Variants in OSBPL8 observed in about 807,000 individuals in gnomAD.
OSBPL8 encodes the protein oxysterol-binding protein-related protein 8.
In OSBPL8, 59 loss-of-function variants were observed where a neutral mutation model predicts 125.5. That is an observed-to-expected ratio of 0.47 (90% CI 0.38 to 0.58). The LOEUF (loss-of-function observed/expected upper bound fraction) is 0.58. Ranked by LOEUF, OSBPL8 falls within the 20% of genes least tolerant of loss-of-function variation. OSBPL8 has a pLI of 0.00. For synonymous variants in OSBPL8, 330 were observed against 338.9 expected, an observed-to-expected ratio of 0.97 and a Z score of 0.29; for missense variants, 758 against 1,047.8, an observed-to-expected ratio of 0.72 and a Z score of 3.82.
chr12:76,361,012 G>A (rs979357726), intron 21 of OSBPL8, among the ~76,000 whole-genome samples: 3 of 152,250 alleles, frequency 2.0e-5, no homozygotes, highest in African/African-American at 7.2e-5. Flanking sequence ...ATTAACATTC[G>A]GCTCCTTGTT....
At chr12:76,372,474 C>T (rs999993483) in intron 18 of OSBPL8, among the ~76,000 whole-genome samples, 2 of 152,084 alleles carry the variant, frequency 1.3e-5, no homozygotes, top group South Asian at 2.1e-4. Context: ...GTGTGAGCCA[C>T]CCCACCCAGA....
At chr12:76,424,142 A>G (rs991019485) in intron 4 of OSBPL8, among the ~76,000 whole-genome samples, 4 of 152,124 alleles carry the variant, frequency 2.6e-5, no homozygotes, top group Admixed American at 2.6e-4. Context: ...CTGGAACTAC[A>G]GGCACCTGCC....
At chr12:76,498,136 G>C (rs1879470969) in intron 1 of OSBPL8, among the ~76,000 whole-genome samples, 1 of 152,184 alleles carries the variant, frequency 6.6e-6, no homozygotes, top group Non-Finnish European at 1.5e-5. Context: ...TGGGCACAGT[G>C]GCTCACACCT....
At chr12:76,451,932 A>G (rs951404468) in intron 3 of OSBPL8, among the ~76,000 whole-genome samples, 2 of 152,174 alleles carry the variant, frequency 1.3e-5, no homozygotes, top group Admixed American at 6.5e-5. Context: ...CATCCTGGCC[A>G]ACGTGGCGAA....
At position 76,397,917 on chromosome 12, in the gene OSBPL8, T is replaced by C. The variant is rs1219236478; in HGVS notation, c.469-20A>G. The C allele has an allele frequency of 6.2e-7, 1 of 1,605,104 alleles. No homozygotes were observed. Among genetic ancestry groups the C allele is most frequent in the Non-Finnish European group, 8.5e-7 (1 of 1,174,624 alleles). On this transcript the variant is annotated intron_variant, in intron 7 of 23. Transcript: ENST00000261183. ...ACGAATCTACAGAAAGATAAATTTATTTTAAAAAGGAAGATCTGTTCTCCA... is the reference window on the plus strand; with the variant it reads ...ACGAATCTACAGAAAGATAAATTTACTTTAAAAAGGAAGATCTGTTCTCCA...
At chr12:76,518,569 A>G (rs1030417579) in intron 1 of OSBPL8, among the ~76,000 whole-genome samples, 1 of 152,160 alleles carries the variant, frequency 6.6e-6, no homozygotes, top group Admixed American at 6.5e-5. Flanking sequence ...TTTCCCCTCC[A>G]CACTGCCCTA....
At chr12:76,517,589 T>C (rs1371574637) in intron 1 of OSBPL8, among the ~76,000 whole-genome samples, 1 of 152,180 alleles carries the variant, frequency 6.6e-6, no homozygotes, top group Admixed American at 6.5e-5. Flanking sequence ...AAAATCAAAA[T>C]TCCGTTATGT....
intron 1 of OSBPL8, among the ~76,000 whole-genome samples, chr12:76,554,812 AG>A (rs1251166598): frequency 1.3e-5 from 2 of 152,246 alleles, no homozygotes; most frequent in Non-Finnish European, 2.9e-5. Context: ...TATGGAAATT[AG>A]TAGGTAACTG....
At chr12:76,538,978 C>T (rs556965322) in intron 1 of OSBPL8, among the ~76,000 whole-genome samples, 45 of 136,740 alleles carry the variant, frequency 3.3e-4, no homozygotes, top group African/African-American at 9.3e-4. Context: ...ATTAGAACTT[C>T]GAGGATGAAG....
At chr12:76,369,160 A>G in intron 21 of OSBPL8, 54 bp downstream of exon 21, 1 of 1,573,476 alleles carries the variant, frequency 6.4e-7, no homozygotes, top group Non-Finnish European at 8.6e-7. Flanking sequence ...TGCTATAGAT[A>G]CTAAAGATTT....
intron 21 of OSBPL8, among the ~76,000 whole-genome samples, 177 bp downstream of exon 21, chr12:76,369,037 T>C (rs1347093517): frequency 2.0e-5 from 3 of 152,164 alleles, no homozygotes; most frequent in African/African-American, 7.2e-5. Flanking sequence ...TTCTGGCAAA[T>C]TGAGTTGACA....
chr12:76,558,521 G>A (rs1319302792), intron 1 of OSBPL8, among the ~76,000 whole-genome samples: 1 of 152,192 alleles, frequency 6.6e-6, no homozygotes, highest in Non-Finnish European at 1.5e-5. Flanking sequence ...TCTAGCAGCA[G>A]AAAGGCAAAA....
chr12:76,530,615 A>G (rs1950309790), intron 1 of OSBPL8, among the ~76,000 whole-genome samples: 1 of 152,084 alleles, frequency 6.6e-6, no homozygotes, highest in Admixed American at 6.5e-5. Context: ...TAAGTATAGT[A>G]TATTATATCC....
chr12:76,550,274 T>C (rs1950898871), intron 1 of OSBPL8, among the ~76,000 whole-genome samples: 1 of 152,162 alleles, frequency 6.6e-6, no homozygotes, highest in South Asian at 2.1e-4. Context: ...ATAAAATAAA[T>C]AAAGTCTACT....
intron 4 of OSBPL8, among the ~76,000 whole-genome samples, chr12:76,448,402 C>T (rs567039005): frequency 5.9e-5 from 9 of 152,082 alleles, no homozygotes; most frequent in Non-Finnish European, 1.0e-4. Flanking sequence ...TGCACAGATA[C>T]ATGCATCAGA....
intron 4 of OSBPL8, among the ~76,000 whole-genome samples, chr12:76,426,939 G>A (rs1157687080): frequency 6.6e-6 from 1 of 151,918 alleles, no homozygotes; most frequent in Non-Finnish European, 1.5e-5. Flanking sequence ...TCTACTCTTT[G>A]AGTAATCCTA....
intron 18 of OSBPL8, among the ~76,000 whole-genome samples, chr12:76,372,783 T>G (rs1008426403): frequency 6.6e-6 from 1 of 152,326 alleles, no homozygotes; most frequent in East Asian, 1.9e-4. Context: ...TAAAAGCCAT[T>G]GCTCTCACAC....
At chr12:76,373,566 T>C (rs1338832546) in intron 17 of OSBPL8, 133 bp from the exon 18 acceptor site, 6 of 485,880 alleles carry the variant, frequency 1.2e-5, no homozygotes, top group African/African-American at 1.0e-4. Flanking sequence ...AGTAAAAAAA[T>C]ACTGACTCAA....
chr12:76,491,348 A>C (rs1392842027), intron 1 of OSBPL8, among the ~76,000 whole-genome samples: 1 of 152,208 alleles, frequency 6.6e-6, no homozygotes, highest in Non-Finnish European at 1.5e-5. Flanking sequence ...TATTCCTTCA[A>C]ACAGATAACA....
Sources: allele counts gnomAD v4.1 joint callset (sites outside exome capture counted in the v4.1 genomes callset), GRCh38; gene constraint gnomAD v4.1.1; transcripts MANE v1.5; gene names NCBI Gene and HGNC (gene_info 2026-07-23, HGNC 2026-07-21).